The following MCOLN2 variants were observed in gnomAD, a reference collection of about 807,000 sequenced individuals.
MCOLN2 encodes mucolipin TRP cation channel 2, also known as mucolipin-2.
In MCOLN2, 57 loss-of-function variants were observed where a neutral mutation model predicts 67.5. The ratio of observed to expected loss-of-function variants is 0.84; its 90% CI spans 0.68 to 1.05. The LOEUF (loss-of-function observed/expected upper bound fraction) is 1.05. Among genes scored for constraint, MCOLN2 ranks in the 50% least tolerant of loss-of-function variants. MCOLN2 has a pLI of 0.00. For missense variants in MCOLN2, 620 were observed against 678.8 expected, an observed-to-expected ratio of 0.91 and a Z score of 0.96; for synonymous variants, 246 against 233.3, an observed-to-expected ratio of 1.05 and a Z score of -0.50.
chr1:84,971,485 G>T (rs1269909403), intron 1 of MCOLN2, among the ~76,000 whole-genome samples: 1 of 139,900 alleles, frequency 7.1e-6, no homozygotes, highest in Non-Finnish European at 1.5e-5. Context: ...TAGATGAAGG[G>T]TATTAAACAG....
At position 84,996,901 on chromosome 1, in the gene MCOLN2, CT is replaced by C; in HGVS notation, c.-30del. 6.2e-7 allele frequency: 1 copy of C among 1,601,814 alleles called. No individual in the cohort carries two copies. The highest frequency in any genetic ancestry group is 8.6e-7 in the Non-Finnish European group (1 of 1,168,896). ...TCCTCCTTCAAAACTTTCCAGGGCT[CT>C]CGGGATTCGGAACAGGAAACACCGT... is the stretch of plus-strand genomic sequence containing the variant. On this transcript the variant is annotated 5_prime_UTR_variant, in exon 1 of 14. Coordinates refer to ENST00000370608, the MANE Select transcript of MCOLN2 (RefSeq NM_153259.4).
intron 1 of MCOLN2, among the ~76,000 whole-genome samples, chr1:84,967,542 T>A (rs1032006152): frequency 2.0e-5 from 3 of 152,228 alleles, no homozygotes; most frequent in African/African-American, 7.2e-5. Flanking sequence ...TAAAAGGGGA[T>A]GCCCATTTTA....
intron 7 of MCOLN2, among the ~76,000 whole-genome samples, chr1:84,945,592 C>G (rs780760845): frequency 1.7e-4 from 26 of 152,126 alleles, no homozygotes; most frequent in Admixed American, 1.4e-3. Context: ...TTATTTCATT[C>G]TGATAACCTG....
chr1:84,958,655 T>G lies in MCOLN2; in HGVS notation c.285A>C (p.Glu95Asp). Residue 95 changes from glutamate (E) to aspartate (D), a missense_variant, in exon 3 of 14, where the codon GAA becomes GAC. Transcript: ENST00000370608. ...LSNQLVVAFK[E>D]DNTVAFKHLF... ...AGTGCTTAAAAGCAACAGTGTTATCTTCTTTGAAAGCAACCACCAGCTGGT... is the reference window on the plus strand; with the variant it reads ...AGTGCTTAAAAGCAACAGTGTTATCGTCTTTGAAAGCAACCACCAGCTGGT... 1.9e-6 allele frequency: 3 copies of G among 1,599,784 alleles called. No homozygotes were observed. The highest frequency in any genetic ancestry group is 2.5e-6 in the Non-Finnish European group (3 of 1,176,584).
At chr1:84,948,993 G>A (rs768064718) in intron 6 of MCOLN2, among the ~76,000 whole-genome samples, 12 of 152,256 alleles carry the variant, frequency 7.9e-5, no homozygotes, top group Admixed American at 5.2e-4. Flanking sequence ...AGCTGGGTGC[G>A]GTGGCAGGTG....
At chr1:84,944,644 A>G (rs1014542446) in intron 7 of MCOLN2, among the ~76,000 whole-genome samples, 2 of 152,222 alleles carry the variant, frequency 1.3e-5, no homozygotes, top group East Asian at 3.8e-4. Context: ...CCAAATTCCT[A>G]TATTTATGAA....
At chr1:84,987,536 G>A (rs578246168) in intron 1 of MCOLN2, among the ~76,000 whole-genome samples, 26 of 21,586 alleles carry the variant, frequency 1.2e-3, no homozygotes, top group African/African-American at 2.0e-3. Context: ...ATACATCTAT[G>A]TATACATAGA....
chr1:84,988,914 CTGTTCCCCCAGCTCTT>C (rs1035053099), intron 1 of MCOLN2, among the ~76,000 whole-genome samples: 1 of 152,182 alleles, frequency 6.6e-6, no homozygotes, highest in Non-Finnish European at 1.5e-5. Flanking sequence ...CACCCTACTG[CTGTTCCCCCAGCTCTT>C]TGTGTGTCTG....
rs11161504 is a variant in MCOLN2, at chr1:84,996,969, G to T, written c.-97C>A. ...TCGCCCTCGCCGTAACGCGTCCGCCGAAGTTGGAGCCCTGCAAAGCGGGGT... is the reference window on the plus strand; with the variant it reads ...TCGCCCTCGCCGTAACGCGTCCGCCTAAGTTGGAGCCCTGCAAAGCGGGGT... On this transcript the variant is annotated 5_prime_UTR_variant, in exon 1 of 14. Transcript: ENST00000370608. The T allele has an allele frequency of 0.46, 510,382 of 1,098,312 alleles. 120,844 individuals carry two copies. Among genetic ancestry groups the T allele is most frequent in the East Asian group, 0.59 (24,161 of 40,986 alleles). The allele number at this position is 1,098,312 out of a possible 1,614,324, so 68.0% of individuals were successfully genotyped here. A position where few individuals can be genotyped will look rare whatever the true frequency, so the allele number is the denominator to read the frequency against.
rs1297668701 is a variant in MCOLN2 at position 84,975,270 on chromosome 1, G to A, written c.78-9562C>T. On this transcript the variant is annotated intron_variant, in intron 1 of 13. Coordinates refer to ENST00000370608, the MANE Select transcript of MCOLN2 (RefSeq NM_153259.4). ...GTGCTGACTTCAGGTCTGACCCAGT[G>A]TAGTCACAGAGGTAGTAGCCACAGG... is the stretch of plus-strand genomic sequence containing the variant. Among the ~76,000 whole-genome samples the A allele has an allele frequency of 2.0e-5, 3 of 152,234 alleles. No individual in the cohort carries two copies. The East Asian group carries it at 5.8e-4, about 29-fold the overall frequency.
intron 11 of MCOLN2, among the ~76,000 whole-genome samples, chr1:84,933,923 C>T (rs187234986): frequency 1.3e-5 from 2 of 152,298 alleles, no homozygotes; most frequent in East Asian, 3.9e-4. Context: ...AACAGAGACC[C>T]AGTCAATTTT....
At chr1:84,971,325 T>C (rs1241853500) in intron 1 of MCOLN2, among the ~76,000 whole-genome samples, 1 of 152,028 alleles carries the variant, frequency 6.6e-6, no homozygotes, top group South Asian at 2.1e-4. Flanking sequence ...AATATGTACA[T>C]TTGGGAGGAA....
chr1:84,962,168 A>G (rs1416736814), intron 2 of MCOLN2, among the ~76,000 whole-genome samples: 3 of 152,236 alleles, frequency 2.0e-5, no homozygotes, highest in Non-Finnish European at 4.4e-5. Flanking sequence ...CAAAAGTTTA[A>G]TCCTTCCCAA....
At chr1:84,948,026 C>T (rs1375355103) in intron 6 of MCOLN2, among the ~76,000 whole-genome samples, 1 of 152,246 alleles carries the variant, frequency 6.6e-6, no homozygotes, top group Non-Finnish European at 1.5e-5. Flanking sequence ...ACTTGGGCCA[C>T]ACAGTTGGCT....
chr1:84,971,435 T>C (rs753513498), intron 1 of MCOLN2, among the ~76,000 whole-genome samples: 6 of 151,862 alleles, frequency 4.0e-5, no homozygotes, highest in Non-Finnish European at 8.8e-5. Flanking sequence ...CTGAGGGCTC[T>C]TTATTGCCTC....
chr1:84,981,206 G>T (rs945381868), intron 1 of MCOLN2, among the ~76,000 whole-genome samples: 4 of 152,146 alleles, frequency 2.6e-5, no homozygotes, highest in African/African-American at 9.7e-5. Context: ...ACTGTTGGTG[G>T]GACTGTAAAT....
Position 84,960,246 on chromosome 1 carries a change from G to A in MCOLN2, c.238-1544C>T, listed in dbSNP as rs117993800. ...ATGCAGTGCCTCATTTACCCCAAGC[G>A]GACTATGAAAATGTTACTACTGTTA... On this transcript the variant is annotated intron_variant, in intron 2 of 13. Transcript: ENST00000370608. Among the ~76,000 whole-genome samples, 122 of 152,108 alleles carry A rather than the reference G, an allele frequency of 8.0e-4. 1 individual carries two copies. In the East Asian group the frequency reaches 0.013, roughly 16 times the overall value.
At chr1:84,965,517 G>GA (rs780192957) in intron 2 of MCOLN2, 32 bp downstream of exon 2, 1 of 1,604,474 alleles carries the variant, frequency 6.2e-7, no homozygotes, top group East Asian at 2.2e-5. Flanking sequence ...TGTGGTAAGG[G>GA]AAAAACCAAA....
intron 12 of MCOLN2, among the ~76,000 whole-genome samples, chr1:84,931,064 C>G (rs1661380272): frequency 6.6e-6 from 1 of 152,110 alleles, no homozygotes; most frequent in Non-Finnish European, 1.5e-5. Context: ...TCCAGGCAGC[C>G]ACACTGGCAG....
Sources: gnomAD v4.1 joint callset for allele counts (sites outside exome capture counted in the v4.1 genomes callset) on GRCh38, gnomAD v4.1.1 for gene constraint, MANE v1.5 for transcripts, NCBI Gene and HGNC (gene_info 2026-07-23, HGNC 2026-07-21) for gene names.